PIGK: variants seen among roughly 807,000 people sequenced by gnomAD.
The protein encoded by PIGK is phosphatidylinositol glycan anchor biosynthesis class K, also known as GPI-anchor transamidase.
A neutral mutation model predicts 50.6 loss-of-function variants in PIGK; 42 were observed. The observed-to-expected ratio is 0.83, with a 90% CI of 0.65 to 1.07. The LOEUF is 1.07. PIGK is among the 50% of genes least tolerant of loss of function. The pLI is 0.00. For missense variants in PIGK, 448 were observed against 488.7 expected, an observed-to-expected ratio of 0.92 and a Z score of 0.78; for synonymous variants, 151 against 156.0, an observed-to-expected ratio of 0.97 and a Z score of 0.24.
chr1:77,116,527 C>T (rs1427847879), intron 10 of PIGK, among the ~76,000 whole-genome samples: 2 of 151,302 alleles, frequency 1.3e-5, no homozygotes, highest in Non-Finnish European at 2.9e-5. Context: ...AAGCATCTAC[C>T]AAAAGGTTTC....
intron 10 of PIGK, among the ~76,000 whole-genome samples, chr1:77,116,065 A>G (rs1425585238): frequency 1.3e-5 from 2 of 152,118 alleles, no homozygotes; most frequent in African/African-American, 4.8e-5. Context: ...AAGTTTTTTA[A>G]AGCATACATG....
chr1:77,208,151 A>G (rs1255525466), intron 2 of PIGK, among the ~76,000 whole-genome samples: 2 of 152,162 alleles, frequency 1.3e-5, no homozygotes, highest in Non-Finnish European at 2.9e-5. Context: ...ACTTGAGCCC[A>G]GGAGTTCAGG....
chr1:77,092,348 C>T lies in PIGK; in HGVS notation c.*26G>A, dbSNP rs1210077980. ...ATTATTATCCAAGTTTGCAGTCCTC[C>T]ATGCATTCTTCATTCATCATCAAGT... On this transcript the variant is annotated 3_prime_UTR_variant, in exon 11 of 11. Coordinates refer to ENST00000370812, the MANE Select transcript of PIGK (RefSeq NM_005482.3). The T allele has an allele frequency of 5.2e-6, 5 of 967,536 alleles. No individual in the cohort carries two copies. Among genetic ancestry groups the T allele is most frequent in the East Asian group, 2.5e-5 (1 of 40,516 alleles). The allele number at this position is 967,536 out of a possible 1,614,324, so 59.9% of individuals were successfully genotyped here. A position where few individuals can be genotyped will look rare whatever the true frequency, so the allele number is the denominator to read the frequency against.
At chr1:77,172,644 A>G (rs866330345) in intron 3 of PIGK, among the ~76,000 whole-genome samples, 1 of 152,112 alleles carries the variant, frequency 6.6e-6, no homozygotes, top group Admixed American at 6.6e-5. Context: ...CGCAGGGGCC[A>G]GGGGTGGTGT....
In PIGK at chr1:77,092,220, T is replaced by C. The variant is rs1653316496; in HGVS notation, c.*154A>G. ...AAGCAGTTGCATTAACAATTATTTT[T>C]CTTTAAGTTATAAAATTAATAGTTG... On this transcript the variant is annotated 3_prime_UTR_variant, in exon 11 of 11. Coordinates refer to ENST00000370812, the MANE Select transcript of PIGK (RefSeq NM_005482.3). The C allele has an allele frequency of 2.1e-6, 1 of 466,438 alleles. No homozygotes were observed. Among genetic ancestry groups the C allele is most frequent in the African/African-American group, 2.1e-5 (1 of 48,392 alleles). 28.9% of individuals were successfully genotyped at this position (466,438 alleles called of 1,614,324 possible).
chr1:77,175,990 T>G (rs1366054762), intron 3 of PIGK, among the ~76,000 whole-genome samples: 1 of 152,132 alleles, frequency 6.6e-6, no homozygotes, highest in Non-Finnish European at 1.5e-5. Context: ...GATTTTCATG[T>G]AATATTAAAG....
intron 9 of PIGK, among the ~76,000 whole-genome samples, chr1:77,151,328 G>A (rs1654889216): frequency 6.6e-6 from 1 of 151,988 alleles, no homozygotes; most frequent in Non-Finnish European, 1.5e-5. Flanking sequence ...CAACAAACTG[G>A]ATTAGAAGGA....
At chr1:77,179,436 T>C (rs1357713208) in intron 3 of PIGK, among the ~76,000 whole-genome samples, 1 of 152,122 alleles carries the variant, frequency 6.6e-6, no homozygotes, top group African/African-American at 2.4e-5. Context: ...AATTTAGGAG[T>C]ATGCTCCTGT....
chr1:77,158,840 T>A (rs1217470729), intron 8 of PIGK, among the ~76,000 whole-genome samples: 3 of 152,098 alleles, frequency 2.0e-5, no homozygotes, highest in Non-Finnish European at 4.4e-5. Flanking sequence ...ACCTTATATT[T>A]AAAAGGGAAG....
Position 77,166,810 on chromosome 1 carries a change from T to C in PIGK, c.396A>G (p.Leu132=), listed in dbSNP as rs1475656955. 4.4e-6 allele frequency: 7 copies of C among 1,582,694 alleles called. No homozygotes were observed. The highest frequency in any genetic ancestry group is 1.7e-4 in the Middle Eastern group (1 of 6,008). ...GTGGGATCCTCCCAGTTAATACCCG[T>C]AAAAAATTCTCCACAGTTACCTAAG... The part of the protein sequence containing the change: ...RSYEVTVENF[L]RVLTGRIPPS... Residue 132 remains leucine, a synonymous_variant, in exon 5 of 11, where the codon TTA becomes TTG. Coordinates refer to ENST00000370812, the MANE Select transcript of PIGK (RefSeq NM_005482.3).
chr1:77,217,819 C>A (rs1480881365), intron 1 of PIGK, among the ~76,000 whole-genome samples: 1 of 152,044 alleles, frequency 6.6e-6, no homozygotes, highest in African/African-American at 2.4e-5. Flanking sequence ...GAGGTTATGC[C>A]TTTACTGTAT....
At chr1:77,161,081 A>G (rs1655117439) in intron 8 of PIGK, among the ~76,000 whole-genome samples, 1 of 152,240 alleles carries the variant, frequency 6.6e-6, no homozygotes, top group Non-Finnish European at 1.5e-5. Flanking sequence ...TCTGGTAAGG[A>G]AAAGAAAATG....
intron 3 of PIGK, among the ~76,000 whole-genome samples, chr1:77,177,847 A>G (rs1316745593): frequency 8.5e-5 from 13 of 152,156 alleles, no homozygotes; most frequent in Admixed American, 7.2e-4. Context: ...TGGATTCATA[A>G]TCTCACAACT....
intron 3 of PIGK, among the ~76,000 whole-genome samples, chr1:77,202,788 C>T (rs1468541736): frequency 6.6e-6 from 1 of 152,148 alleles, no homozygotes; most frequent in South Asian, 2.1e-4. Flanking sequence ...AAACTCACAT[C>T]CACCCAACCT....
intron 9 of PIGK, among the ~76,000 whole-genome samples, chr1:77,123,953 C>CA (rs1654164615): frequency 6.6e-6 from 1 of 151,806 alleles, no homozygotes; most frequent in African/African-American, 2.4e-5. Flanking sequence ...TGATCCTACT[C>CA]AAATATGACT....
At chr1:77,161,450 AC>A (rs1329974410) in intron 7 of PIGK, 45 bp from the exon 8 acceptor site, 4 of 1,200,224 alleles carry the variant, frequency 3.3e-6, no homozygotes. Flanking sequence ...TATCATTATA[AC>A]AAAATGTTTT....
intron 3 of PIGK, among the ~76,000 whole-genome samples, chr1:77,191,318 G>A (rs1655898532): frequency 6.6e-6 from 1 of 152,190 alleles, no homozygotes; most frequent in South Asian, 2.1e-4. Flanking sequence ...ACTACTATGT[G>A]CAATCTTTCA....
chr1:77,168,753 A>T (rs1273341386), intron 4 of PIGK, among the ~76,000 whole-genome samples: 1 of 151,870 alleles, frequency 6.6e-6, no homozygotes, highest in Non-Finnish European at 1.5e-5. Context: ...TATTAAGCGT[A>T]TTCACAATCT....
At chr1:77,197,580 G>A (rs749357565) in intron 3 of PIGK, among the ~76,000 whole-genome samples, 6 of 152,132 alleles carry the variant, frequency 3.9e-5, no homozygotes, top group East Asian at 1.9e-4. Flanking sequence ...TCATGTTCTC[G>A]TCACATATAT....
Sources: allele counts gnomAD v4.1 joint callset (sites outside exome capture counted in the v4.1 genomes callset), GRCh38; gene constraint gnomAD v4.1.1; transcripts MANE v1.5; gene names NCBI Gene and HGNC (gene_info 2026-07-23, HGNC 2026-07-21).